The following SPMAP2L variants were observed in gnomAD, a reference collection of about 807,000 sequenced individuals.
SPMAP2L encodes sperm microtubule associated protein 2 like, also known as sperm microtubule associated protein 2-like.
chr4:56,567,593 C>T, the SPMAP2L span, among the ~76,000 whole-genome samples: 1 of 151,740 alleles, frequency 6.6e-6, no homozygotes, highest in Admixed American at 6.6e-5. Context: ...CCAGCTTATA[C>T]TTCTTTTAGT....
At chr4:56,535,982 C>G in the SPMAP2L span, among the ~76,000 whole-genome samples, 1 of 152,234 alleles carries the variant, frequency 6.6e-6, no homozygotes, top group African/African-American at 2.4e-5. Context: ...AAGGACCCAG[C>G]AAGCTAGATC....
the SPMAP2L span, chr4:56,603,129 A>T: frequency 1.1e-6 from 1 of 949,134 alleles, no homozygotes; most frequent in East Asian, 2.7e-5. Flanking sequence ...AGTACATAAC[A>T]TACAGTGGAT....
At chr4:56,531,966 A>G in the SPMAP2L span, among the ~76,000 whole-genome samples, 1 of 152,146 alleles carries the variant, frequency 6.6e-6, no homozygotes, top group Non-Finnish European at 1.5e-5. Context: ...CTGGTTATCC[A>G]TCATACTTCT....
At chr4:56,539,453 C>T in the SPMAP2L span, among the ~76,000 whole-genome samples, 1 of 152,086 alleles carries the variant, frequency 6.6e-6, no homozygotes, top group African/African-American at 2.4e-5. Context: ...TGGAGTTTTG[C>T]TCTTGTTGCC....
the SPMAP2L span, chr4:56,594,769 G>T: frequency 6.6e-7 from 1 of 1,511,048 alleles, no homozygotes; most frequent in Non-Finnish European, 9.2e-7. Flanking sequence ...CCACCAATGG[G>T]GTGTTTGAAG....
the SPMAP2L span, among the ~76,000 whole-genome samples, chr4:56,574,039 T>C: frequency 9.2e-5 from 14 of 152,048 alleles, no homozygotes; most frequent in African/African-American, 1.9e-4. Flanking sequence ...TGAGTTAACA[T>C]TGGGTCTGGG....
chr4:56,623,906 A>G, the SPMAP2L span, among the ~76,000 whole-genome samples: 33 of 152,302 alleles, frequency 2.2e-4, no homozygotes, highest in African/African-American at 7.7e-4. Context: ...AGAGTGGGGC[A>G]CTGCTGAAAC....
the SPMAP2L span, among the ~76,000 whole-genome samples, chr4:56,574,669 T>A: frequency 2.0e-5 from 3 of 152,170 alleles, no homozygotes; most frequent in Non-Finnish European, 4.4e-5. Flanking sequence ...TTCATCTGTA[T>A]ATCTTTTGGT....
chr4:56,530,739 A>C, the SPMAP2L span: 33 of 1,535,270 alleles, frequency 2.1e-5, 1 homozygote, highest in Middle Eastern at 5.0e-4. Flanking sequence ...GGCAGGTCTC[A>C]ACAGAAATAT....
chr4:56,584,646 T>C, the SPMAP2L span: 4 of 1,395,138 alleles, frequency 2.9e-6, no homozygotes, highest in Non-Finnish European at 3.9e-6. Context: ...CAGTTCCTGA[T>C]TGACTTGTAA....
At chr4:56,586,092 A>AG in the SPMAP2L span, among the ~76,000 whole-genome samples, 5 of 152,168 alleles carry the variant, frequency 3.3e-5, no homozygotes, top group Non-Finnish European at 1.5e-5. Flanking sequence ...CTGGGGCCTC[A>AG]GCTGGGAAAT....
At chr4:56,548,783 C>A in the SPMAP2L span, 1 of 1,485,186 alleles carries the variant, frequency 6.7e-7, no homozygotes, top group Non-Finnish European at 8.9e-7. Flanking sequence ...CTTTTGTTTT[C>A]TTTTAGCAAA....
the SPMAP2L span, among the ~76,000 whole-genome samples, chr4:56,540,616 G>A: frequency 6.6e-6 from 1 of 151,016 alleles, no homozygotes; most frequent in Non-Finnish European, 1.5e-5. Flanking sequence ...GAGAGAGAAA[G>A]AAGGAAAAGA....
the SPMAP2L span, among the ~76,000 whole-genome samples, chr4:56,621,465 C>G: frequency 4.6e-5 from 7 of 152,150 alleles, no homozygotes; most frequent in African/African-American, 1.7e-4. Flanking sequence ...AGAACTTGAG[C>G]AAACATCTCA....
chr4:56,605,259 T>G, the SPMAP2L span, among the ~76,000 whole-genome samples: 1 of 152,214 alleles, frequency 6.6e-6, no homozygotes, highest in Non-Finnish European at 1.5e-5. Context: ...GAATGTCTGT[T>G]GAGTGTCTTT....
the SPMAP2L span, chr4:56,584,458 C>A: frequency 7.5e-7 from 1 of 1,333,780 alleles, no homozygotes. Flanking sequence ...GTTTCTCCAT[C>A]CAACAGTTAT....
the SPMAP2L span, chr4:56,594,152 G>A: frequency 6.2e-7 from 1 of 1,612,124 alleles, no homozygotes; most frequent in African/African-American, 1.3e-5. Context: ...ACTGGTTGCT[G>A]AAAGCATGGG....
chr4:56,533,998 G>A, the SPMAP2L span, among the ~76,000 whole-genome samples: 2 of 151,824 alleles, frequency 1.3e-5, no homozygotes, highest in Non-Finnish European at 2.9e-5. Context: ...CAACAACAAC[G>A]ACAACAGCAA....
the SPMAP2L span, among the ~76,000 whole-genome samples, chr4:56,577,098 A>ATGAGATATTTGCTTCTCAT: frequency 6.6e-6 from 1 of 150,714 alleles, no homozygotes; most frequent in African/African-American, 2.5e-5. Flanking sequence ...CTTTCAAATT[A>ATGAGATATTTGCTTCTCAT]AAGTACTTAA....
Sources: gnomAD v4.1 joint callset for allele counts (sites outside exome capture counted in the v4.1 genomes callset) on GRCh38, gnomAD v4.1.1 for gene constraint, MANE v1.5 for transcripts, NCBI Gene and HGNC (gene_info 2026-07-23, HGNC 2026-07-21) for gene names.